ARID1B: variants seen among roughly 807,000 people sequenced by gnomAD.
ARID1B encodes AT-rich interaction domain 1B, also known as AT-rich interactive domain-containing protein 1B.
ARID1B carries 30 observed loss-of-function variants against 212.3 expected under a neutral mutation model. The observed-to-expected ratio is 0.14, with a 90% CI of 0.11 to 0.19. ARID1B has a LOEUF of 0.19. ARID1B is among the 10% of genes least tolerant of loss of function. ARID1B has a pLI of 1.00. For missense variants in ARID1B, 2,891 were observed against 3,204.0 expected, an observed-to-expected ratio of 0.90 and a Z score of 2.36; for synonymous variants, 1,402 against 1,301.7, an observed-to-expected ratio of 1.08 and a Z score of -1.66.
At chr6:156,818,567 A>AT (rs1483031910) in intron 1 of ARID1B, among the ~76,000 whole-genome samples, 2 of 151,878 alleles carry the variant, frequency 1.3e-5, no homozygotes, top group Admixed American at 6.6e-5. Flanking sequence ...AGGTATTATT[A>AT]TTTTTACTTG....
intron 1 of ARID1B, among the ~76,000 whole-genome samples, chr6:156,788,009 T>C (rs1779760007): frequency 6.6e-6 from 1 of 152,180 alleles, no homozygotes; most frequent in Non-Finnish European, 1.5e-5. Flanking sequence ...CCCTCTCTTC[T>C]CTGCCTACCT....
In ARID1B at chr6:156,778,970, G is replaced by C; in HGVS notation, c.1290G>C (p.Ala430=). ...GAVAAAAAAA[A]AAAGGGGGGG... ...TGGCGGCGGCGGCCGCGGCGGCGGC[G>C]GCAGCAGCAGGAGGCGGCGGCGGCG... is the stretch of plus-strand genomic sequence containing the variant. The change falls in exon 1 of 20, where the codon GCG becomes GCC. Residue 430 remains alanine (A), a synonymous_variant. Transcript: ENST00000636930. 1.1e-5 allele frequency: 14 copies of C among 1,280,992 alleles called. No individual in the cohort carries two copies. The highest frequency in any genetic ancestry group is 1.4e-5 in the Non-Finnish European group (14 of 1,024,406). 79.4% of individuals were successfully genotyped at this position (1,280,992 alleles called of 1,614,324 possible).
intron 4 of ARID1B, among the ~76,000 whole-genome samples, chr6:157,000,872 T>G (rs566366337): frequency 2.0e-4 from 31 of 152,144 alleles, no homozygotes; most frequent in African/African-American, 6.7e-4. Flanking sequence ...ATTTTATATT[T>G]TCAGTGGAGA....
chr6:156,824,972 C>T (rs1290147576), intron 1 of ARID1B, among the ~76,000 whole-genome samples: 1 of 151,782 alleles, frequency 6.6e-6, no homozygotes, highest in Non-Finnish European at 1.5e-5. Flanking sequence ...TCAAGCAGTT[C>T]TCCTGCCTCA....
At chr6:157,038,706 A>T (rs1398003680) in intron 4 of ARID1B, among the ~76,000 whole-genome samples, 1 of 152,290 alleles carries the variant, frequency 6.6e-6, no homozygotes, top group African/African-American at 2.4e-5. Flanking sequence ...TGCCCAGCAT[A>T]CATGTGGAAT....
chr6:156,808,706 T>C (rs1329984828), intron 1 of ARID1B, among the ~76,000 whole-genome samples: 1 of 152,240 alleles, frequency 6.6e-6, no homozygotes, highest in South Asian at 2.1e-4. Context: ...ATAAAAACAT[T>C]ATCTGTATTG....
intron 4 of ARID1B, 79 bp downstream of exon 4, chr6:156,935,655 CT>C: frequency 7.9e-7 from 1 of 1,259,288 alleles, no homozygotes; most frequent in Non-Finnish European, 1.1e-6. Flanking sequence ...GTTTGTTCTA[CT>C]TTATATTATG....
chr6:157,096,169 G>A (rs1166901408), intron 5 of ARID1B, among the ~76,000 whole-genome samples: 1 of 152,176 alleles, frequency 6.6e-6, no homozygotes, highest in African/African-American at 2.4e-5. Context: ...GACCCCTGCA[G>A]CCCCGGAGTT....
At chr6:156,985,237 C>A (rs1195152938) in intron 4 of ARID1B, 1 of 152,126 alleles carries the variant, frequency 6.6e-6, no homozygotes, top group Non-Finnish European at 1.5e-5. Context: ...TAAAATCACT[C>A]AAAATGCTTG....
At chr6:157,202,832 A>C (rs1174507950) in intron 18 of ARID1B, among the ~76,000 whole-genome samples, 1 of 151,378 alleles carries the variant, frequency 6.6e-6, no homozygotes, top group East Asian at 1.9e-4. Context: ...AGACACAGAC[A>C]CTGAGCACCA....
intron 5 of ARID1B, among the ~76,000 whole-genome samples, chr6:157,088,562 A>G (rs1384960175): frequency 6.6e-6 from 1 of 152,198 alleles, no homozygotes; most frequent in Non-Finnish European, 1.5e-5. Flanking sequence ...GAAGTATTAA[A>G]TATATTAAGT....
At chr6:156,929,242 T>C (rs1358757848) in intron 3 of ARID1B, among the ~76,000 whole-genome samples, 1 of 152,192 alleles carries the variant, frequency 6.6e-6, no homozygotes, top group East Asian at 1.9e-4. Context: ...TTTCCTGAGG[T>C]GGCAAGGGCT....
At position 156,778,076 on chromosome 6, in the gene ARID1B, TTCC is replaced by T. The variant is rs763238673; in HGVS notation, c.402_404del (p.Ser136del). 6 of 1,538,800 alleles carry T rather than the reference TTCC, an allele frequency of 3.9e-6. No homozygotes were observed. In the African/African-American group the frequency reaches 6.9e-5, roughly 18 times the overall value. The stretch of plus-strand genomic sequence containing the variant: ...CCGCGGCGGCAGCGGCGGCATCCTC[TTCC>T]TCCTCGTCGGGCCCGGGCTCGGCCA... On this transcript the variant is annotated inframe_deletion, in exon 1 of 20. Transcript: ENST00000636930.
At chr6:156,800,596 A>G (rs532253692) in intron 1 of ARID1B, among the ~76,000 whole-genome samples, 53 of 152,236 alleles carry the variant, frequency 3.5e-4, no homozygotes, top group Non-Finnish European at 4.9e-4. Context: ...CTCAAAAGAA[A>G]AAAAAGCAAA....
At chr6:156,862,121 A>G (rs1401173086) in intron 2 of ARID1B, among the ~76,000 whole-genome samples, 3 of 152,248 alleles carry the variant, frequency 2.0e-5, no homozygotes, top group Non-Finnish European at 4.4e-5. Flanking sequence ...AGAAATGTTC[A>G]GTGGACAGCT....
At chr6:157,052,146 T>C (rs375594603) in intron 4 of ARID1B, among the ~76,000 whole-genome samples, 3 of 152,218 alleles carry the variant, frequency 2.0e-5, no homozygotes, top group African/African-American at 4.8e-5. Context: ...TTTTGTCTTG[T>C]AGGTGAAGCA....
Position 156,881,445 on chromosome 6 carries a change from TA to T in ARID1B, c.1987-19930del, listed in dbSNP as rs539488184. Among the ~76,000 whole-genome samples the T allele has an allele frequency of 1.4e-3, 210 of 152,384 alleles. 4 individuals are homozygous for T. The highest frequency in any genetic ancestry group is 4.8e-3 in the African/African-American group (198 of 41,586). On this transcript the variant is annotated intron_variant, in intron 2 of 19. Coordinates refer to ENST00000636930, the MANE Select transcript of ARID1B (RefSeq NM_001374828.1). Reference sequence around the variant, plus strand: ...ACTGTTTTAAAAATATATGTATGTATACAATGTATGCACACATCTATGTATA... The same window carrying T: ...ACTGTTTTAAAAATATATGTATGTATCAATGTATGCACACATCTATGTATA...
intron 1 of ARID1B, among the ~76,000 whole-genome samples, chr6:156,812,004 A>T (rs1039061013): frequency 7.9e-5 from 12 of 152,338 alleles, no homozygotes; most frequent in Middle Eastern, 3.4e-3. Context: ...AACATTAACT[A>T]CTTTGCAGGA....
At chr6:156,859,206 C>T (rs556541043) in intron 2 of ARID1B, among the ~76,000 whole-genome samples, 7 of 152,134 alleles carry the variant, frequency 4.6e-5, no homozygotes, top group East Asian at 1.9e-4. Flanking sequence ...CTCCGCCTCC[C>T]GGGTTCACGC....
Sources: allele counts gnomAD v4.1 joint callset (sites outside exome capture counted in the v4.1 genomes callset), GRCh38; gene constraint gnomAD v4.1.1; transcripts MANE v1.5; gene names NCBI Gene and HGNC (gene_info 2026-07-23, HGNC 2026-07-21).